The following GRID1 variants were observed in gnomAD, a reference collection of about 807,000 sequenced individuals.
GRID1 encodes glutamate ionotropic receptor delta type subunit 1.
In GRID1, 28 loss-of-function variants were observed where a neutral mutation model predicts 98.0. That is an observed-to-expected ratio of 0.29 (90% confidence interval 0.21 to 0.39). The LOEUF is 0.39. Ranked by LOEUF, GRID1 falls within the 10% of genes least tolerant of loss-of-function variation. GRID1 has a pLI of 1.00. For synonymous variants in GRID1, 553 were observed against 538.5 expected (o/e 1.03, Z -0.37); for missense variants, 1,111 against 1,340.5 (o/e 0.83, Z 2.67).
At chr10:85,838,479 A>G (rs983286995) in intron 8 of GRID1, among the ~76,000 whole-genome samples, 1 of 152,194 alleles carries the variant, frequency 6.6e-6, no homozygotes, top group Non-Finnish European at 1.5e-5. Flanking sequence ...GAAATCCTAC[A>G]AGCCAGAAGA....
At position 85,719,593 on chromosome 10, in the gene GRID1, T is replaced by C. The variant is rs149484196; in HGVS notation, c.1997+3410A>G. Among the ~76,000 whole-genome samples, 143 of 152,290 alleles carry C rather than the reference T, an allele frequency of 9.4e-4. 1 individual carries two copies. The highest frequency in any genetic ancestry group is 5.0e-3 in the Admixed American group (76 of 15,296). On this transcript the variant is annotated intron_variant, in intron 12 of 15. Transcript: ENST00000327946. ...CCCACATCAGATCTCGTGAGACTTA[T>C]GCACTGTCATGAGAATAGCACAGGA...
intron 4 of GRID1, among the ~76,000 whole-genome samples, chr10:86,089,441 T>C (rs1844112197): frequency 6.6e-6 from 1 of 152,084 alleles, no homozygotes; most frequent in Admixed American, 6.6e-5. Context: ...CAGAGTAGTA[T>C]CAGAAGAAAC....
intron 15 of GRID1, chr10:85,613,017 A>T (rs1404285058): frequency 5.6e-6 from 1 of 178,642 alleles, no homozygotes; most frequent in Non-Finnish European, 1.2e-5. Flanking sequence ...CTTGGTGAGA[A>T]GTAAAAGAGA....
intron 12 of GRID1, among the ~76,000 whole-genome samples, chr10:85,652,262 G>T (rs1203245709): frequency 6.6e-6 from 1 of 152,198 alleles, no homozygotes; most frequent in Non-Finnish European, 1.5e-5. Context: ...CATTAACAAA[G>T]AGATAAATGT....
intron 2 of GRID1, among the ~76,000 whole-genome samples, chr10:86,282,082 C>G (rs908150021): frequency 2.6e-5 from 4 of 152,196 alleles, no homozygotes; most frequent in Non-Finnish European, 4.4e-5. Context: ...GTGATTCCAC[C>G]ACTTAGAACC....
intron 8 of GRID1, among the ~76,000 whole-genome samples, chr10:85,784,627 C>A (rs1458441201): frequency 1.3e-5 from 2 of 152,184 alleles, no homozygotes; most frequent in Non-Finnish European, 2.9e-5. Context: ...GCATGGACTG[C>A]AGACAACCGT....
chr10:85,829,157 T>C (rs1397415644), intron 8 of GRID1, among the ~76,000 whole-genome samples: 2 of 152,002 alleles, frequency 1.3e-5, no homozygotes, highest in African/African-American at 4.8e-5. Flanking sequence ...GTTCAGCATA[T>C]ACAAATTAAT....
At chr10:85,829,829 T>A (rs953223584) in intron 8 of GRID1, among the ~76,000 whole-genome samples, 1 of 152,144 alleles carries the variant, frequency 6.6e-6, no homozygotes, top group African/African-American at 2.4e-5. Flanking sequence ...AAATATCCTA[T>A]GCTCATAGAT....
At chr10:85,762,282 G>T (rs1303937440) in intron 8 of GRID1, among the ~76,000 whole-genome samples, 1 of 152,298 alleles carries the variant, frequency 6.6e-6, no homozygotes, top group African/African-American at 2.4e-5. Context: ...ACACTCCATT[G>T]TTCCAAAAGG....
intron 4 of GRID1, among the ~76,000 whole-genome samples, chr10:86,004,682 C>A (rs917111928): frequency 6.6e-6 from 1 of 151,862 alleles, no homozygotes; most frequent in African/African-American, 2.4e-5. Context: ...TTGTGTGAGC[C>A]GATTCCTTAA....
chr10:86,147,582 C>T (rs954368604), intron 3 of GRID1, among the ~76,000 whole-genome samples: 1 of 152,164 alleles, frequency 6.6e-6, no homozygotes, highest in African/African-American at 2.4e-5. Context: ...CAAAAACAAG[C>T]AATGGGGAAA....
chr10:85,603,066 T>G lies in GRID1; in HGVS notation c.2602-365A>C, dbSNP rs111296246. ...AGAAGTCCCACAGGAATAAAGGAAATAGTCCTTGAGCCCCTAAGGTGTCCC... is the reference window on the plus strand; with the variant it reads ...AGAAGTCCCACAGGAATAAAGGAAAGAGTCCTTGAGCCCCTAAGGTGTCCC... On this transcript the variant is annotated intron_variant, in intron 15 of 15. Transcript: ENST00000327946. 1.3e-3 allele frequency among the ~76,000 whole-genome samples: 201 copies of G among 152,256 alleles called. 2 individuals carry two copies. Among genetic ancestry groups the G allele is most frequent in the African/African-American group, 4.6e-3 (192 of 41,548 alleles).
At chr10:85,687,000 A>G (rs973857897) in intron 12 of GRID1, among the ~76,000 whole-genome samples, 5 of 152,292 alleles carry the variant, frequency 3.3e-5, no homozygotes, top group African/African-American at 4.8e-5. Context: ...AATGGAAAGT[A>G]ATACTTAGGG....
chr10:86,212,841 T>C (rs994943044), intron 2 of GRID1, among the ~76,000 whole-genome samples: 1 of 152,244 alleles, frequency 6.6e-6, no homozygotes, highest in East Asian at 1.9e-4. Flanking sequence ...TATTGATCTA[T>C]GGAGAATAAA....
At chr10:86,353,636 C>T (rs1212245270) in intron 2 of GRID1, among the ~76,000 whole-genome samples, 2 of 152,278 alleles carry the variant, frequency 1.3e-5, no homozygotes, top group African/African-American at 4.8e-5. Flanking sequence ...AGAGCTGGGC[C>T]CCAGCAGCAA....
chr10:86,130,775 T>G (rs1471270838), intron 4 of GRID1, among the ~76,000 whole-genome samples: 1 of 152,210 alleles, frequency 6.6e-6, no homozygotes, highest in Admixed American at 6.5e-5. Flanking sequence ...AAGAGGGCGC[T>G]GAGCTGGTTA....
chr10:85,893,300 T>G (rs1025824045), intron 5 of GRID1, among the ~76,000 whole-genome samples: 7 of 152,100 alleles, frequency 4.6e-5, no homozygotes, highest in Admixed American at 2.0e-4. Context: ...AAGGCTGAAT[T>G]TTTTCCCCTA....
intron 8 of GRID1, among the ~76,000 whole-genome samples, chr10:85,747,115 G>T (rs1161305437): frequency 6.6e-6 from 1 of 152,080 alleles, no homozygotes; most frequent in Non-Finnish European, 1.5e-5. Flanking sequence ...TTTGCTGGTG[G>T]AGAGACTTGA....
chr10:85,963,206 C>CA (rs113125041), intron 4 of GRID1, among the ~76,000 whole-genome samples: 55 of 142,552 alleles, frequency 3.9e-4, no homozygotes, highest in South Asian at 2.0e-3. Context: ...ATCTTTCAGC[C>CA]AAAAAAAAAA....
Sources: gnomAD v4.1 joint callset for allele counts (sites outside exome capture counted in the v4.1 genomes callset) on GRCh38, gnomAD v4.1.1 for gene constraint, MANE v1.5 for transcripts, NCBI Gene and HGNC (gene_info 2026-07-23, HGNC 2026-07-21) for gene names.